LRCH1: variants seen among roughly 807,000 people sequenced by gnomAD.
The protein encoded by LRCH1 is leucine-rich repeat and calponin homology domain-containing protein 1.
A neutral mutation model predicts 94.9 loss-of-function variants in LRCH1; 23 were observed. The ratio of observed to expected loss-of-function variants is 0.24; its 90% CI spans 0.17 to 0.34. The LOEUF is 0.34. Among genes scored for constraint, LRCH1 ranks in the 10% least tolerant of loss-of-function variants. LRCH1 has a pLI of 1.00. For synonymous variants in LRCH1, 364 were observed against 354.9 expected, an observed-to-expected ratio of 1.03 and a Z score of -0.29; for missense variants, 790 against 945.9, an observed-to-expected ratio of 0.84 and a Z score of 2.16.
intron 10 of LRCH1, among the ~76,000 whole-genome samples, chr13:46,699,608 C>A (rs996517566): frequency 6.6e-6 from 1 of 152,106 alleles, no homozygotes; most frequent in African/African-American, 2.4e-5. Flanking sequence ...TCTTACTTGG[C>A]CTTGAGTCTT....
At chr13:46,593,238 TA>T (rs957580392) in intron 1 of LRCH1, among the ~76,000 whole-genome samples, 5 of 148,000 alleles carry the variant, frequency 3.4e-5, no homozygotes, top group East Asian at 2.0e-4. Flanking sequence ...AGACTTGAAA[TA>T]AAAAAAAAGT....
intron 1 of LRCH1, among the ~76,000 whole-genome samples, chr13:46,640,259 A>T (rs892756208): frequency 2.6e-5 from 4 of 152,212 alleles, no homozygotes; most frequent in African/African-American, 9.7e-5. Flanking sequence ...TTATTCTTAG[A>T]GTGCTTCACT....
At chr13:46,565,557 A>C (rs776598721) in intron 1 of LRCH1, among the ~76,000 whole-genome samples, 2 of 151,848 alleles carry the variant, frequency 1.3e-5, no homozygotes, top group Non-Finnish European at 2.9e-5. Context: ...CATACCTGTA[A>C]TCCTAGCAAT....
At chr13:46,649,304 G>A (rs1282979818) in intron 1 of LRCH1, among the ~76,000 whole-genome samples, 1 of 152,114 alleles carries the variant, frequency 6.6e-6, no homozygotes. Flanking sequence ...ATCTCTTATT[G>A]TTGAGTTGTT....
At chr13:46,620,270 T>G (rs1007895289) in intron 1 of LRCH1, among the ~76,000 whole-genome samples, 7 of 151,200 alleles carry the variant, frequency 4.6e-5, no homozygotes, top group African/African-American at 1.7e-4. Context: ...GAGGCTGAGG[T>G]GGTAGGATCA....
intron 17 of LRCH1, among the ~76,000 whole-genome samples, chr13:46,724,961 G>A (rs1435694667): frequency 1.3e-5 from 2 of 152,100 alleles, no homozygotes; most frequent in East Asian, 1.9e-4. Context: ...ACCCAGGCTC[G>A]CATCAACAAT....
intron 3 of LRCH1, among the ~76,000 whole-genome samples, chr13:46,676,982 G>C (rs2051682895): frequency 6.6e-6 from 1 of 152,024 alleles, no homozygotes; most frequent in South Asian, 2.1e-4. Context: ...GTTTCCTAAT[G>C]TTCTCTAGGC....
intron 1 of LRCH1, among the ~76,000 whole-genome samples, chr13:46,573,866 A>ATATATAT: frequency 1.6e-5 from 1 of 63,420 alleles, no homozygotes; most frequent in Non-Finnish European, 3.2e-5. Flanking sequence ...ATATATATAT[A>ATATATAT]TTTTTTTTTT....
At chr13:46,720,665 C>T (rs1479138069) in intron 16 of LRCH1, among the ~76,000 whole-genome samples, 2 of 152,022 alleles carry the variant, frequency 1.3e-5, no homozygotes, top group Non-Finnish European at 2.9e-5. Context: ...GATCAATTTC[C>T]TGAAGCCTGG....
chr13:46,679,114 G>A (rs899657025), intron 3 of LRCH1, among the ~76,000 whole-genome samples: 3 of 152,144 alleles, frequency 2.0e-5, no homozygotes, highest in Admixed American at 1.3e-4. Flanking sequence ...TGCCAATAAC[G>A]TCCATTTTCT....
At chr13:46,712,880 T>C (rs1872142699) in intron 15 of LRCH1, among the ~76,000 whole-genome samples, 1 of 152,202 alleles carries the variant, frequency 6.6e-6, no homozygotes, top group Non-Finnish European at 1.5e-5. Context: ...TTGATTTTTT[T>C]TTACCTAAGG....
intron 1 of LRCH1, among the ~76,000 whole-genome samples, chr13:46,632,757 G>A (rs2051034711): frequency 6.6e-6 from 1 of 152,150 alleles, no homozygotes; most frequent in African/African-American, 2.4e-5. Flanking sequence ...TGTAAATTGT[G>A]TGATCAAAAT....
intron 16 of LRCH1, among the ~76,000 whole-genome samples, chr13:46,719,677 T>A (rs1012470656): frequency 6.6e-6 from 1 of 152,238 alleles, no homozygotes; most frequent in Non-Finnish European, 1.5e-5. Context: ...GTAAATTGCG[T>A]ATATGTGCAA....
chr13:46,731,105 A>G (rs1050749708), intron 18 of LRCH1, among the ~76,000 whole-genome samples: 2 of 140,388 alleles, frequency 1.4e-5, no homozygotes, highest in Admixed American at 7.2e-5. Context: ...TTTTACCATT[A>G]TGTCTTCTTT....
At chr13:46,740,798 T>A (rs576928675) in intron 19 of LRCH1, among the ~76,000 whole-genome samples, 2 of 152,224 alleles carry the variant, frequency 1.3e-5, no homozygotes, top group African/African-American at 2.4e-5. Context: ...AGCAATAGGC[T>A]GCTGAAAGTC....
At chr13:46,643,598 C>T (rs1342633115) in intron 1 of LRCH1, among the ~76,000 whole-genome samples, 1 of 152,152 alleles carries the variant, frequency 6.6e-6, no homozygotes, top group Non-Finnish European at 1.5e-5. Context: ...CACTCACTTC[C>T]CCTTCCCTTC....
At chr13:46,738,044 T>C (rs1466573909) in intron 19 of LRCH1, among the ~76,000 whole-genome samples, 4 of 152,222 alleles carry the variant, frequency 2.6e-5, no homozygotes, top group Non-Finnish European at 2.9e-5. Flanking sequence ...ACTTGCCTTC[T>C]TTAGATGAGG....
At chr13:46,605,464 T>G (rs1317800075) in intron 1 of LRCH1, among the ~76,000 whole-genome samples, 1 of 152,228 alleles carries the variant, frequency 6.6e-6, no homozygotes, top group Non-Finnish European at 1.5e-5. Context: ...ATTTTCTGTT[T>G]AGAGGCCCCA....
At chr13:46,698,927 C>G (rs1871329900) in intron 9 of LRCH1, among the ~76,000 whole-genome samples, 1 of 152,230 alleles carries the variant, frequency 6.6e-6, no homozygotes, top group Non-Finnish European at 1.5e-5. Context: ...AAAACTGACC[C>G]TGTGTACCCT....
Sources: allele counts gnomAD v4.1 joint callset (sites outside exome capture counted in the v4.1 genomes callset), GRCh38; gene constraint gnomAD v4.1.1; transcripts MANE v1.5; gene names NCBI Gene and HGNC (gene_info 2026-07-23, HGNC 2026-07-21).